Variants in WBP2NL observed in about 807,000 individuals in gnomAD.
WBP2NL encodes postacrosomal sheath WW domain-binding protein.
In WBP2NL, 27 loss-of-function variants were observed where a neutral mutation model predicts 23.3. The ratio of observed to expected loss-of-function variants is 1.16; its 90% CI spans 0.85 to 1.60. The LOEUF is 1.60. WBP2NL is among the 40% of genes most tolerant of loss of function. The probability of loss-of-function intolerance (pLI) is 0.00; values close to 1 mark genes in which losing one functional copy is unlikely to be tolerated. For synonymous variants in WBP2NL, 151 were observed against 145.9 expected, an observed-to-expected ratio of 1.03 and a Z score of -0.25; for missense variants, 370 against 389.5, an observed-to-expected ratio of 0.95 and a Z score of 0.42.
intron 8 of WBP2NL, among the ~76,000 whole-genome samples, chr22:42,049,856 A>C (rs1216811561): frequency 1.3e-5 from 2 of 151,992 alleles, no homozygotes; most frequent in Non-Finnish European, 2.9e-5. Flanking sequence ...ACATGCCTAT[A>C]ATCCCAGCTA....
chr22:41,998,873 G>C lies in WBP2NL; in HGVS notation c.55G>C (p.Gly19Arg). ...ENRRGALIPN[G>R]ESLLKRSPNV... Reference sequence around the variant, plus strand: ...CCGCCGCGGAGCCCTCATCCCTAACGGTGAAAGGTGCCTGAGGGGAAGCAC... The same window carrying C: ...CCGCCGCGGAGCCCTCATCCCTAACCGTGAAAGGTGCCTGAGGGGAAGCAC... The change falls in exon 1 of 6, where the codon GGT becomes CGT. Residue 19 changes from glycine to arginine, a missense_variant. Transcript: ENST00000328823. The C allele has an allele frequency of 6.2e-7, 1 of 1,611,132 alleles. No individual in the cohort carries two copies. The highest frequency in any genetic ancestry group is 8.5e-7 in the Non-Finnish European group (1 of 1,178,098).
chr22:42,049,705 CAAAAAAAAAAAAAAAA>C (rs1158837575), intron 8 of WBP2NL, among the ~76,000 whole-genome samples: 2 of 37,478 alleles, frequency 5.3e-5, no homozygotes, highest in East Asian at 9.1e-4. Context: ...CAAAACAAAA[CAAAAAAAAAAAAAAAA>C]AAAAAAAAAA....
chr22:41,999,635 G>T (rs566318384), intron 1 of WBP2NL, among the ~76,000 whole-genome samples: 56 of 152,314 alleles, frequency 3.7e-4, no homozygotes, highest in Non-Finnish European at 6.3e-4. Flanking sequence ...GGCCATGGTG[G>T]TGTGCACCCA....
intron 1 of WBP2NL, among the ~76,000 whole-genome samples, chr22:42,009,906 G>A (rs771866120): frequency 2.7e-5 from 4 of 150,632 alleles, no homozygotes; most frequent in South Asian, 2.1e-4. Flanking sequence ...TAGCCTGGAC[G>A]TCTTAGCCTT....
chr22:42,052,288 T>C (rs1281547103), intron 8 of WBP2NL, among the ~76,000 whole-genome samples: 1 of 152,096 alleles, frequency 6.6e-6, no homozygotes, highest in African/African-American at 2.4e-5. Context: ...TATTTTTTTT[T>C]CCTCTTTTTT....
intron 5 of WBP2NL, among the ~76,000 whole-genome samples, chr22:42,024,824 A>ATT: frequency 7.0e-6 from 1 of 143,238 alleles, no homozygotes. Flanking sequence ...TTTTTTTGAG[A>ATT]CAAAGTCTCC....
At chr22:42,014,679 G>A (rs951995797) in intron 1 of WBP2NL, among the ~76,000 whole-genome samples, 4 of 151,946 alleles carry the variant, frequency 2.6e-5, no homozygotes, top group Non-Finnish European at 5.9e-5. Context: ...GGTAGTAACC[G>A]TTATTCCCAT....
At chr22:42,035,415 C>T (rs527646751), downstream of WBP2NL, among the ~76,000 whole-genome samples, 3 of 152,344 alleles carry the variant, frequency 2.0e-5, no homozygotes, top group Admixed American at 1.3e-4. Context: ...TCTGCAGCCA[C>T]GGCTTGGGCG....
At chr22:42,051,808 T>C (rs771706833) in intron 8 of WBP2NL, among the ~76,000 whole-genome samples, 1 of 152,212 alleles carries the variant, frequency 6.6e-6, no homozygotes, top group African/African-American at 2.4e-5. Flanking sequence ...TAACTACTTA[T>C]TCAGGTGCCA....
intron 1 of WBP2NL, among the ~76,000 whole-genome samples, chr22:42,012,876 C>T (rs1054181645): frequency 6.6e-6 from 1 of 151,696 alleles, no homozygotes; most frequent in Non-Finnish European, 1.5e-5. Context: ...CCTGTAGTCC[C>T]AGCTACTCAG....
At chr22:42,036,780 G>T (rs1925197367), downstream of WBP2NL, among the ~76,000 whole-genome samples, 1 of 151,942 alleles carries the variant, frequency 6.6e-6, no homozygotes, top group South Asian at 2.1e-4. Context: ...CCAGTTATTT[G>T]TATTTTTAGC....
chr22:42,007,172 A>G (rs1922330232), intron 1 of WBP2NL, among the ~76,000 whole-genome samples: 1 of 152,212 alleles, frequency 6.6e-6, no homozygotes, highest in South Asian at 2.1e-4. Context: ...TCCAGTGTGC[A>G]TAAATCTTTA....
rs1740922928 is a variant in WBP2NL at position 42,024,647 on chromosome 22, C to T, written c.515-2119C>T. ...TATATACCTTAATTGGAGAACTGTC[C>T]AAGTCTTTTGCCTATTTTTTTTATT... On this transcript the variant is annotated intron_variant, in intron 5 of 5. Transcript: ENST00000328823. Among the ~76,000 whole-genome samples, 4 of 152,040 alleles carry T rather than the reference C, an allele frequency of 2.6e-5. No individual in the cohort carries two copies. The South Asian group carries it at 6.2e-4, about 24-fold the overall frequency.
intron 8 of WBP2NL, among the ~76,000 whole-genome samples, chr22:42,045,232 A>T (rs899354078): frequency 7.2e-5 from 11 of 151,982 alleles, no homozygotes; most frequent in African/African-American, 2.7e-4. Flanking sequence ...AGGTCAGGAG[A>T]TCGAGACCAT....
intron 5 of WBP2NL, among the ~76,000 whole-genome samples, chr22:42,026,539 G>A (rs1170981757): frequency 2.0e-5 from 3 of 151,876 alleles, no homozygotes; most frequent in African/African-American, 4.8e-5. Flanking sequence ...TATAAGTAAC[G>A]CACCGATCTA....
rs750189324 is a variant in WBP2NL, at chr22:42,005,045, C to T, written c.62+6165C>T. Reference sequence around the variant, plus strand: ...CAGCCTGACCAACATGATGAAACCCCGTCTCTACTAAAAATAAAAAAATTA... The same window carrying T: ...CAGCCTGACCAACATGATGAAACCCTGTCTCTACTAAAAATAAAAAAATTA... On this transcript the variant is annotated intron_variant, in intron 1 of 5. Coordinates refer to ENST00000328823, the MANE Select transcript of WBP2NL (RefSeq NM_152613.3). Among the ~76,000 whole-genome samples, 3 of 151,488 alleles carry T rather than the reference C, an allele frequency of 2.0e-5. 1 individual carries two copies. Among genetic ancestry groups the T allele is most frequent in the Non-Finnish European group, 2.9e-5 (2 of 67,920 alleles).
At chr22:42,016,375 C>A (rs541360562) in intron 1 of WBP2NL, among the ~76,000 whole-genome samples, 2 of 152,254 alleles carry the variant, frequency 1.3e-5, no homozygotes, top group East Asian at 3.9e-4. Flanking sequence ...CTTCAAGGAG[C>A]CACCAGACAA....
rs535959478 is a variant in WBP2NL at position 42,021,317 on chromosome 22, G to A, written c.407-932G>A. On this transcript the variant is annotated intron_variant, in intron 4 of 5. Coordinates refer to ENST00000328823, the MANE Select transcript of WBP2NL (RefSeq NM_152613.3). The stretch of plus-strand genomic sequence containing the variant: ...CCCCTGGGAAATTTTTATGGGCCAG[G>A]CCTGGAAACTGTCTACATTACATCT... 3.3e-5 allele frequency among the ~76,000 whole-genome samples: 5 copies of A among 152,222 alleles called. No individual in the cohort carries two copies. In the South Asian group the frequency reaches 1.0e-3, roughly 32 times the overall value.
intron 8 of WBP2NL, among the ~76,000 whole-genome samples, chr22:42,049,628 T>A (rs1191650246): frequency 2.2e-5 from 3 of 134,898 alleles, no homozygotes; most frequent in Non-Finnish European, 4.5e-5. Context: ...AGGCAGAGCT[T>A]GCAGTGAGCG....
Sources: allele counts gnomAD v4.1 joint callset (sites outside exome capture counted in the v4.1 genomes callset), GRCh38; gene constraint gnomAD v4.1.1; transcripts MANE v1.5; gene names NCBI Gene and HGNC (gene_info 2026-07-23, HGNC 2026-07-21).